ARHGAP26: variants seen among roughly 807,000 people sequenced by gnomAD.
ARHGAP26 encodes rho GTPase-activating protein 26.
In ARHGAP26, 38 loss-of-function variants were observed where a neutral mutation model predicts 104.8. The ratio of observed to expected loss-of-function variants is 0.36; its 90% CI spans 0.28 to 0.48. ARHGAP26 has a LOEUF of 0.48. Among genes scored for constraint, ARHGAP26 ranks in the 20% least tolerant of loss-of-function variants. The pLI, the probability that ARHGAP26 is intolerant of heterozygous loss-of-function variation, is 0.99. For synonymous variants in ARHGAP26, 341 were observed against 340.0 expected (o/e 1.00, Z -0.03); for missense variants, 704 against 947.9 (o/e 0.74, Z 3.38).
Position 143,223,940 on chromosome 5 carries a change from C to T in ARHGAP26, c.*1494C>T, listed in dbSNP as rs1242970981. 3 of 231,920 alleles carry T rather than the reference C, an allele frequency of 1.3e-5. No homozygotes were observed. In the East Asian group the frequency reaches 1.8e-4, roughly 14 times the overall value. 14.4% of individuals were successfully genotyped at this position (231,920 alleles called of 1,614,324 possible). The stretch of plus-strand genomic sequence containing the variant: ...TATCTTCCACATGTGAATGTCATTG[C>T]AAGGGTGACTCTAGACAAACTACAA... On this transcript the variant is annotated 3_prime_UTR_variant, in exon 23 of 23. Coordinates refer to ENST00000645722, the MANE Select transcript of ARHGAP26 (RefSeq NM_001135608.3).
At chr5:143,132,809 TTGAA>T (rs1273868270) in intron 18 of ARHGAP26, among the ~76,000 whole-genome samples, 2 of 151,622 alleles carry the variant, frequency 1.3e-5, no homozygotes, top group Admixed American at 6.6e-5. Flanking sequence ...TGTGTGTTGA[TTGAA>T]TGAATGAGCA....
At chr5:142,884,832 A>C (rs1757484754) in intron 4 of ARHGAP26, among the ~76,000 whole-genome samples, 1 of 152,208 alleles carries the variant, frequency 6.6e-6, no homozygotes, top group African/African-American at 2.4e-5. Context: ...CATACCAAGA[A>C]GTGTTTTTGG....
chr5:142,858,061 C>CTGTG (rs746146391), intron 1 of ARHGAP26, among the ~76,000 whole-genome samples: 3,467 of 134,334 alleles, frequency 0.026, 133 homozygotes, highest in African/African-American at 0.079. Flanking sequence ...GAGAGAGAAT[C>CTGTG]TGTGTGTGTG....
intron 17 of ARHGAP26, among the ~76,000 whole-genome samples, chr5:143,112,053 T>C (rs1794843964): frequency 6.6e-6 from 1 of 152,220 alleles, no homozygotes; most frequent in African/African-American, 2.4e-5. Flanking sequence ...CACTGGCGTG[T>C]GGCAGTGAGG....
At chr5:143,008,615 C>T (rs1156714190) in intron 11 of ARHGAP26, among the ~76,000 whole-genome samples, 1 of 152,198 alleles carries the variant, frequency 6.6e-6, no homozygotes, top group Admixed American at 6.5e-5. Flanking sequence ...CAGTTTTAAA[C>T]AAATTTCCTT....
chr5:142,828,386 A>G (rs182647649), intron 1 of ARHGAP26, among the ~76,000 whole-genome samples: 6 of 152,172 alleles, frequency 3.9e-5, no homozygotes, highest in African/African-American at 1.2e-4. Context: ...AAAATGAGTC[A>G]TTATGACTTA....
In ARHGAP26 at chr5:143,091,899, T is replaced by C. The variant is rs1598970542; in HGVS notation, c.1539-29089T>C. Among the ~76,000 whole-genome samples, 4 of 152,234 alleles carry C rather than the reference T, an allele frequency of 2.6e-5. No individual in the cohort carries two copies. The East Asian group carries it at 7.7e-4, about 29-fold the overall frequency. ...GCTTAAACCTTTAAAACAAAATATA[T>C]ATTTTTAACCTTTTAATGTAGGTAG... On this transcript the variant is annotated intron_variant, in intron 17 of 22. Coordinates refer to ENST00000645722, the MANE Select transcript of ARHGAP26 (RefSeq NM_001135608.3).
At chr5:142,781,898 G>A (rs1429397523) in intron 1 of ARHGAP26, among the ~76,000 whole-genome samples, 1 of 151,996 alleles carries the variant, frequency 6.6e-6, no homozygotes. Context: ...TTTTTTTTTA[G>A]TAGAGATGGG....
chr5:143,074,694 A>G (rs1243732256), intron 17 of ARHGAP26, among the ~76,000 whole-genome samples: 1 of 152,194 alleles, frequency 6.6e-6, no homozygotes, highest in Admixed American at 6.5e-5. Flanking sequence ...TAAAAGCTAA[A>G]TATTTACTCT....
At chr5:143,177,488 G>A (rs531744153) in intron 20 of ARHGAP26, among the ~76,000 whole-genome samples, 3 of 152,296 alleles carry the variant, frequency 2.0e-5, no homozygotes, top group South Asian at 2.1e-4. Flanking sequence ...GAGCTGGCAC[G>A]TCAGTAGCAG....
chr5:143,215,108 C>T (rs971450316), intron 22 of ARHGAP26, among the ~76,000 whole-genome samples: 5 of 152,230 alleles, frequency 3.3e-5, no homozygotes, highest in Admixed American at 6.5e-5. Context: ...CTGGCCCTGC[C>T]GTAACATGAC....
chr5:142,939,736 T>C (rs712178), intron 11 of ARHGAP26, among the ~76,000 whole-genome samples: 54,219 of 152,050 alleles, frequency 0.36, 10,605 homozygotes, highest in East Asian at 0.78. Context: ...CAGTCTCAAA[T>C]TGGAAAATGA....
intron 1 of ARHGAP26, among the ~76,000 whole-genome samples, chr5:142,801,225 G>C (rs1262828047): frequency 6.6e-6 from 1 of 152,270 alleles, no homozygotes; most frequent in East Asian, 1.9e-4. Flanking sequence ...TTTTTGCATT[G>C]TGTTTTACAC....
intron 1 of ARHGAP26, among the ~76,000 whole-genome samples, chr5:142,811,030 A>G (rs1286599594): frequency 6.6e-6 from 1 of 152,156 alleles, no homozygotes; most frequent in Non-Finnish European, 1.5e-5. Flanking sequence ...CACTAAAGTG[A>G]ATTGTGGGGC....
At chr5:142,847,333 A>C (rs1772187276) in intron 1 of ARHGAP26, among the ~76,000 whole-genome samples, 1 of 151,956 alleles carries the variant, frequency 6.6e-6, no homozygotes, top group African/African-American at 2.4e-5. Flanking sequence ...CTTAGGTCAC[A>C]CAGCGAATAC....
rs1212411605 is a variant in ARHGAP26 at position 143,121,012 on chromosome 5, T to C, written c.1563T>C (p.Asn521=). 3 of 1,613,470 alleles carry C rather than the reference T, an allele frequency of 1.9e-6. No individual in the cohort carries two copies. The South Asian group carries it at 3.3e-5, about 18-fold the overall frequency. Residue 521 remains asparagine (N), a synonymous_variant, in exon 18 of 23, where the codon AAT becomes AAC. Coordinates refer to ENST00000645722, the MANE Select transcript of ARHGAP26 (RefSeq NM_001135608.3). Reference sequence around the variant, plus strand: ...GTGTTGCTAACAACCACAAGCAGAATTTGATGACGGTGGCAAACCTTGGTG... The same window carrying C: ...GTGTTGCTAACAACCACAAGCAGAACTTGATGACGGTGGCAAACCTTGGTG... ...LANVANNHKQ[N]LMTVANLGVV...
chr5:142,994,631 A>G (rs371629364), intron 11 of ARHGAP26, among the ~76,000 whole-genome samples: 1 of 152,224 alleles, frequency 6.6e-6, no homozygotes, highest in Non-Finnish European at 1.5e-5. Flanking sequence ...AGCAGAATCC[A>G]GTTATTGTCA....
rs3073231 is a variant in ARHGAP26 at position 143,012,552 on chromosome 5, C to CATATATATATATATATATATATATATAT, written c.1108-1504_1108-1503insATATATATATATATATATATATATATAT. Among the ~76,000 whole-genome samples the CATATATATATATATATATATATATATAT allele has an allele frequency of 2.4e-3, 49 of 20,798 alleles. 4 individuals carry two copies. Among genetic ancestry groups the CATATATATATATATATATATATATATAT allele is most frequent in the South Asian group, 3.0e-3 (3 of 1,006 alleles). The allele number at this position is 20,798 out of a possible 152,430, so 13.6% of individuals were successfully genotyped here. On this transcript the variant is annotated intron_variant, in intron 11 of 22. Transcript: ENST00000645722. Reference sequence around the variant, plus strand: ...AGGGATATATTTATATACATACATACATATATATATATATATATATATATT... The same window carrying CATATATATATATATATATATATATATAT: ...AGGGATATATTTATATACATACATACATATATATATATATATATATATATATATATATATATATATATATATATATATT...
rs751208283 is a variant in ARHGAP26 at position 143,014,894 on chromosome 5, A to T, written c.1144+778A>T. ...GCTTTGTAAAATCCACTTGAGAAAA[A>T]ATTTAAAGGTTGCCCTACTGTGAAT... On this transcript the variant is annotated intron_variant, in intron 12 of 22. Transcript: ENST00000645722. Among the ~76,000 whole-genome samples, 39 of 152,272 alleles carry T rather than the reference A, an allele frequency of 2.6e-4. No homozygotes were observed. In the Middle Eastern group the frequency reaches 0.01, roughly 40 times the overall value.
Sources: gnomAD v4.1 joint callset for allele counts (sites outside exome capture counted in the v4.1 genomes callset) on GRCh38, gnomAD v4.1.1 for gene constraint, MANE v1.5 for transcripts, NCBI Gene and HGNC (gene_info 2026-07-23, HGNC 2026-07-21) for gene names.